Variants in BRINP3 observed in about 807,000 individuals in gnomAD.
BRINP3 encodes BMP/retinoic acid inducible neural specific 3.
In BRINP3, 19 loss-of-function variants were observed where a neutral mutation model predicts 71.0. The ratio of observed to expected loss-of-function variants is 0.27; its 90% CI spans 0.19 to 0.39. BRINP3 has a LOEUF of 0.39. BRINP3 is among the 10% of genes least tolerant of loss of function. The pLI, the probability that BRINP3 is intolerant of heterozygous loss-of-function variation, is 1.00. For missense variants in BRINP3, 959 were observed against 940.8 expected, an observed-to-expected ratio of 1.02 and a Z score of -0.25; for synonymous variants, 380 against 337.7, an observed-to-expected ratio of 1.13 and a Z score of -1.37.
chr1:190,475,462 A>G (rs533644393), intron 1 of BRINP3, among the ~76,000 whole-genome samples: 2 of 152,228 alleles, frequency 1.3e-5, no homozygotes, highest in South Asian at 4.1e-4. Flanking sequence ...TGCCCACACC[A>G]AGCACACGTT....
chr1:190,179,206 T>C (rs1387283580), intron 6 of BRINP3, among the ~76,000 whole-genome samples: 10 of 152,168 alleles, frequency 6.6e-5, no homozygotes, highest in Non-Finnish European at 1.2e-4. Context: ...TGAACTGATT[T>C]AGCTAGTGGC....
intron 2 of BRINP3, among the ~76,000 whole-genome samples, chr1:190,391,393 G>T (rs888526750): frequency 6.6e-6 from 1 of 151,692 alleles, no homozygotes; most frequent in African/African-American, 2.4e-5. Context: ...AATTCCATTT[G>T]CTGTTATATA....
chr1:190,322,291 GA>G (rs1666296989), intron 2 of BRINP3, among the ~76,000 whole-genome samples: 2 of 151,990 alleles, frequency 1.3e-5, no homozygotes, highest in African/African-American at 4.8e-5. Flanking sequence ...GTGCATCTGA[GA>G]AGAAAACCAG....
At chr1:190,442,156 T>TA (rs1674866659) in intron 2 of BRINP3, among the ~76,000 whole-genome samples, 1 of 152,226 alleles carries the variant, frequency 6.6e-6, no homozygotes, top group African/African-American at 2.4e-5. Flanking sequence ...GTGTTAAACT[T>TA]ACTGTTGTAT....
At chr1:190,376,772 G>T (rs899508005) in intron 2 of BRINP3, among the ~76,000 whole-genome samples, 1 of 151,880 alleles carries the variant, frequency 6.6e-6, no homozygotes, top group Non-Finnish European at 1.5e-5. Context: ...AAGTTCTGCC[G>T]ATGTTAATTG....
intron 1 of BRINP3, among the ~76,000 whole-genome samples, chr1:190,475,137 C>T (rs1411867837): frequency 1.3e-5 from 2 of 152,102 alleles, no homozygotes; most frequent in Non-Finnish European, 2.9e-5. Context: ...AAGGAGTGAC[C>T]GTCAGCAATA....
chr1:190,183,521 G>A (rs1299573510), intron 6 of BRINP3, among the ~76,000 whole-genome samples: 1 of 152,006 alleles, frequency 6.6e-6, no homozygotes, highest in Non-Finnish European at 1.5e-5. Context: ...AACACCTGGG[G>A]AACAGAGCTT....
intron 6 of BRINP3, among the ~76,000 whole-genome samples, chr1:190,166,506 T>C (rs1253967896): frequency 6.6e-6 from 1 of 152,150 alleles, no homozygotes; most frequent in African/African-American, 2.4e-5. Context: ...CCCAGTGTCC[T>C]TGCAACTACG....
At chr1:190,183,882 G>C (rs1653265899) in intron 6 of BRINP3, among the ~76,000 whole-genome samples, 1 of 152,068 alleles carries the variant, frequency 6.6e-6, no homozygotes, top group Admixed American at 6.6e-5. Context: ...ACAGGAGTAG[G>C]TTAGGGCTGC....
At chr1:190,251,360 T>C (rs770367575) in intron 4 of BRINP3, among the ~76,000 whole-genome samples, 2 of 152,022 alleles carry the variant, frequency 1.3e-5, no homozygotes, top group African/African-American at 2.4e-5. Flanking sequence ...GACAACCTTA[T>C]GATGTAAGTG....
At chr1:190,155,986 C>A (rs1449772254) in intron 7 of BRINP3, among the ~76,000 whole-genome samples, 1 of 152,054 alleles carries the variant, frequency 6.6e-6, no homozygotes. Flanking sequence ...TAATCACTAT[C>A]TTGTGATGAA....
At chr1:190,327,350 AGGAAAAAAAAAAAAGAAAG>A (rs1666667461) in intron 2 of BRINP3, among the ~76,000 whole-genome samples, 2 of 129,674 alleles carry the variant, frequency 1.5e-5, no homozygotes, top group Admixed American at 7.8e-5. Context: ...AAAAAAAAAA[AGGAAAAAAAAAAAAGAAAG>A]AAAGAAAAGA....
chr1:190,102,965 T>C (rs1277747953), intron 7 of BRINP3, among the ~76,000 whole-genome samples: 2 of 152,080 alleles, frequency 1.3e-5, no homozygotes, highest in South Asian at 4.1e-4. Context: ...ACATACTAGT[T>C]TGAAATGTTT....
chr1:190,419,366 A>C (rs1465351534), intron 2 of BRINP3, among the ~76,000 whole-genome samples: 1 of 152,098 alleles, frequency 6.6e-6, no homozygotes, highest in Non-Finnish European at 1.5e-5. Flanking sequence ...ATAAAACATA[A>C]AATGTATATG....
intron 7 of BRINP3, among the ~76,000 whole-genome samples, chr1:190,103,234 A>G (rs1651851187): frequency 6.6e-6 from 1 of 152,034 alleles, no homozygotes; most frequent in Admixed American, 6.6e-5. Flanking sequence ...TGGACTATCG[A>G]TAGTTTTCTG....
At chr1:190,258,070 A>G (rs773114444) in intron 4 of BRINP3, among the ~76,000 whole-genome samples, 1 of 152,352 alleles carries the variant, frequency 6.6e-6, no homozygotes, top group Non-Finnish European at 1.5e-5. Context: ...CCTTTTGTTC[A>G]GCTATGCCCT....
chr1:190,441,737 C>A (rs1184630987), intron 2 of BRINP3, among the ~76,000 whole-genome samples: 1 of 152,056 alleles, frequency 6.6e-6, no homozygotes, highest in Admixed American at 6.6e-5. Flanking sequence ...GATATGGACA[C>A]ATGCAATGCT....
At chr1:190,451,511 G>A (rs990957741) in intron 2 of BRINP3, among the ~76,000 whole-genome samples, 2 of 152,076 alleles carry the variant, frequency 1.3e-5, no homozygotes, top group East Asian at 1.9e-4. Flanking sequence ...TGTTCTATGC[G>A]GCAGAGTAGA....
intron 6 of BRINP3, among the ~76,000 whole-genome samples, chr1:190,224,840 A>G (rs376122289): frequency 4.6e-5 from 7 of 152,218 alleles, no homozygotes; most frequent in African/African-American, 1.7e-4. Context: ...TGGGCAGAAT[A>G]TCTGAATACA....
Sources: gnomAD v4.1 joint callset for allele counts (sites outside exome capture counted in the v4.1 genomes callset) on GRCh38, gnomAD v4.1.1 for gene constraint, MANE v1.5 for transcripts, NCBI Gene and HGNC (gene_info 2026-07-23, HGNC 2026-07-21) for gene names.